UBE3B: variants seen among roughly 807,000 people sequenced by gnomAD.
The protein encoded by UBE3B is ubiquitin protein ligase E3B, also known as ubiquitin-protein ligase E3B.
UBE3B carries 80 observed loss-of-function variants against 132.3 expected under a neutral mutation model. The observed-to-expected ratio is 0.60, with a 90% CI of 0.50 to 0.73. The LOEUF (loss-of-function observed/expected upper bound fraction) is 0.73, where lower values mean the gene tolerates loss of function less well. Ranked by LOEUF, UBE3B falls within the 30% of genes least tolerant of loss-of-function variation. The probability of loss-of-function intolerance (pLI) is 0.00; values close to 1 mark genes in which losing one functional copy is unlikely to be tolerated. For synonymous variants in UBE3B, 487 were observed against 520.4 expected, an observed-to-expected ratio of 0.94 and a Z score of 0.87; for missense variants, 1,196 against 1,362.5, an observed-to-expected ratio of 0.88 and a Z score of 1.92.
intron 26 of UBE3B, 95 bp from the exon 27 acceptor site, chr12:109,533,371 A>G: frequency 2.5e-6 from 3 of 1,201,404 alleles, no homozygotes; most frequent in Non-Finnish European, 3.7e-6. Flanking sequence ...CAACACGGTA[A>G]CAGACAGAGC....
intron 24 of UBE3B, chr12:109,528,405 A>G (rs1882591390): frequency 2.0e-6 from 2 of 984,716 alleles, no homozygotes; most frequent in Non-Finnish European, 2.4e-6. Flanking sequence ...ATTTGTATGT[A>G]TTAATATACA....
At chr12:109,490,784 A>T (rs1260351014) in intron 8 of UBE3B, 12 of 1,359,774 alleles carry the variant, frequency 8.8e-6, no homozygotes, top group Non-Finnish European at 1.1e-5. Context: ...CTTTCCTTTT[A>T]TAAAAACACT....
intron 18 of UBE3B, among the ~76,000 whole-genome samples, chr12:109,516,460 AG>A (rs546679136): frequency 3.7e-4 from 56 of 152,206 alleles, no homozygotes; most frequent in African/African-American, 1.3e-3. Flanking sequence ...TACAGGCGTG[AG>A]CCCCCACGCC....
At chr12:109,524,146 G>T (rs770263067) in intron 22 of UBE3B, 31 bp downstream of exon 22, 1 of 1,612,942 alleles carries the variant, frequency 6.2e-7, no homozygotes, top group African/African-American at 1.3e-5. Context: ...GAGCTAAGCC[G>T]AGCACTGGTG....
chr12:109,512,587 T>C (rs1181210394), intron 18 of UBE3B, among the ~76,000 whole-genome samples: 1 of 152,232 alleles, frequency 6.6e-6, no homozygotes, highest in East Asian at 1.9e-4. Flanking sequence ...TTCTTTTTCT[T>C]TTTTTAACGA....
At chr12:109,545,733 G>C in the UBE3B span, among the ~76,000 whole-genome samples, 2 of 152,154 alleles carry the variant, frequency 1.3e-5, no homozygotes, top group African/African-American at 2.4e-5. Flanking sequence ...TGCCTCCACT[G>C]CTTGTCCCAC....
chr12:109,524,310 C>T, intron 22 of UBE3B, 128 bp from the exon 23 acceptor site: 1 of 1,380,924 alleles, frequency 7.2e-7, no homozygotes, highest in African/African-American at 1.4e-5. Flanking sequence ...GAATGACTTT[C>T]TTTGCGTCAA....
intron 26 of UBE3B, among the ~76,000 whole-genome samples, chr12:109,531,573 C>T (rs1198102371): frequency 2.6e-5 from 4 of 152,132 alleles, no homozygotes; most frequent in South Asian, 2.1e-4. Flanking sequence ...TGGACAGTGT[C>T]ACTGGCAATT....
intron 10 of UBE3B, 39 bp from the exon 11 acceptor site, chr12:109,498,194 C>A: frequency 6.2e-7 from 1 of 1,610,446 alleles, no homozygotes; most frequent in South Asian, 1.1e-5. Flanking sequence ...GAAACTGTTT[C>A]TGGCAGTTTC....
chr12:109,484,017 A>T (rs377310864), intron 4 of UBE3B, 36 bp downstream of exon 4: 1 of 1,573,464 alleles, frequency 6.4e-7, no homozygotes, highest in African/African-American at 1.4e-5. Flanking sequence ...TAATACTTCC[A>T]TATGTCAGAT....
chr12:109,525,689 G>A (rs1206090848), intron 23 of UBE3B, among the ~76,000 whole-genome samples: 1 of 152,154 alleles, frequency 6.6e-6, no homozygotes, highest in East Asian at 1.9e-4. Context: ...ATAATCAGAT[G>A]TTGAGGCTTT....
At chr12:109,484,949 G>A (rs1043605389) in intron 4 of UBE3B, among the ~76,000 whole-genome samples, 2 of 148,954 alleles carry the variant, frequency 1.3e-5, no homozygotes, top group African/African-American at 2.4e-5. Flanking sequence ...TAGAGATAGG[G>A]TTTTACCTTA....
chr12:109,546,320 A>G, the UBE3B span, among the ~76,000 whole-genome samples: 17 of 152,170 alleles, frequency 1.1e-4, no homozygotes, highest in African/African-American at 3.9e-4. Flanking sequence ...GAAACTGCCC[A>G]CCTGCACCAA....
chr12:109,545,468 G>C, the UBE3B span, among the ~76,000 whole-genome samples: 4 of 152,224 alleles, frequency 2.6e-5, no homozygotes, highest in East Asian at 7.7e-4. Context: ...TGTGATCAGC[G>C]TCCCTGGCAT....
rs551953110 is a variant in UBE3B, at chr12:109,525,996, G to A, written c.2569-362G>A. 4.6e-5 allele frequency among the ~76,000 whole-genome samples: 7 copies of A among 152,096 alleles called. No homozygotes were observed. In the East Asian group the frequency reaches 1.2e-3, roughly 25 times the overall value. On this transcript the variant is annotated intron_variant, in intron 23 of 27. Transcript: ENST00000342494. ...GCCTTTTTTCACCTTTTTAGTAAACGCACATTTTCATCATATTGTTTAGTA... is the reference window on the plus strand; with the variant it reads ...GCCTTTTTTCACCTTTTTAGTAAACACACATTTTCATCATATTGTTTAGTA...
chr12:109,514,324 A>G (rs1460154169), intron 18 of UBE3B, among the ~76,000 whole-genome samples: 1 of 152,114 alleles, frequency 6.6e-6, no homozygotes, highest in Non-Finnish European at 1.5e-5. Flanking sequence ...TGGGTGAGTA[A>G]GGTCTTCATC....
Position 109,516,869 on chromosome 12 carries a change from G to A in UBE3B, c.2061G>A (p.Arg687=). The A allele has an allele frequency of 6.2e-7, 1 of 1,613,980 alleles. No individual in the cohort carries two copies. The highest frequency in any genetic ancestry group is 8.5e-7 in the Non-Finnish European group (1 of 1,179,976). ...SPHVTHITIR[R]SRMLEDGYEQ... ...ATGTCACTCACATCACCATCCGCCG[G>A]TCCAGGATGCTGGAGGTGAGTGTGA... is the stretch of plus-strand genomic sequence containing the variant. The change falls in exon 19 of 28, where the codon CGG becomes CGA. Residue 687 remains arginine (R), a synonymous_variant. Transcript: ENST00000342494.
At chr12:109,493,171 G>T (rs772809947) in intron 9 of UBE3B, among the ~76,000 whole-genome samples, 12 of 152,206 alleles carry the variant, frequency 7.9e-5, no homozygotes, top group Non-Finnish European at 1.8e-4. Flanking sequence ...GTACAAACAG[G>T]TTTTCCCAGA....
Position 109,510,413 on chromosome 12 carries a change from G to A in UBE3B, c.1811G>A (p.Arg604Gln), listed in dbSNP as rs369410122. The change falls in exon 17 of 28, where the codon CGG becomes CAG. Residue 604 changes from arginine (R) to glutamine (Q), a missense_variant. Coordinates refer to ENST00000342494, the MANE Select transcript of UBE3B (RefSeq NM_130466.4). ...GGGTGGCTTATGGTGCTGTACGAGC[G>A]GGACTGCCGGCGGCGCTTCACCCCC... ...VHGWLMVLYERDCRRRFTPED... is the reference protein window; with the variant it reads ...VHGWLMVLYEQDCRRRFTPED... The A allele has an allele frequency of 1.1e-5, 18 of 1,613,046 alleles. No homozygotes were observed. The highest frequency in any genetic ancestry group is 6.7e-5 in the African/African-American group (5 of 74,912).
Sources: allele counts gnomAD v4.1 joint callset (sites outside exome capture counted in the v4.1 genomes callset), GRCh38; gene constraint gnomAD v4.1.1; transcripts MANE v1.5; gene names NCBI Gene and HGNC (gene_info 2026-07-23, HGNC 2026-07-21).